Variants in MAP3K7CL observed in about 807,000 individuals in gnomAD.
MAP3K7CL encodes the protein MAP3K7 C-terminal-like protein.
Under a neutral mutation model 18.6 loss-of-function variants are expected in MAP3K7CL, and 16 were observed. That is an observed-to-expected ratio of 0.86 (90% confidence interval 0.58 to 1.31). MAP3K7CL has a LOEUF of 1.31. Ranked by LOEUF, MAP3K7CL falls within the 50% of genes most tolerant of loss-of-function variation. The pLI is 0.00. For synonymous variants in MAP3K7CL, 65 were observed against 66.8 expected (o/e 0.97, Z 0.13); for missense variants, 163 against 174.4 (o/e 0.93, Z 0.37).
chr21:29,153,835 G>A (rs1433178193), intron 3 of MAP3K7CL, among the ~76,000 whole-genome samples: 1 of 152,076 alleles, frequency 6.6e-6, no homozygotes, highest in African/African-American at 2.4e-5. Flanking sequence ...ATGGTCCCAG[G>A]GTTTGGGTCA....
upstream of MAP3K7CL, among the ~76,000 whole-genome samples, chr21:29,125,900 C>T (rs913508193): frequency 1.3e-5 from 2 of 152,212 alleles, no homozygotes; most frequent in Non-Finnish European, 2.9e-5. Flanking sequence ...ATGGCCTGCA[C>T]ATGCAGTCTC....
At chr21:29,080,268 G>A (rs905184919) in intron 1 of MAP3K7CL, among the ~76,000 whole-genome samples, 1 of 152,202 alleles carries the variant, frequency 6.6e-6, no homozygotes, top group Non-Finnish European at 1.5e-5. Context: ...GTGTTTCTTG[G>A]ATTCTGTTGC....
chr21:29,092,614 G>T, intron 4 of MAP3K7CL: 1 of 1,610,580 alleles, frequency 6.2e-7, no homozygotes, highest in Non-Finnish European at 8.5e-7. Context: ...GGAAGTCTCA[G>T]GTTCTGAAGG....
chr21:29,160,427 C>T (rs115450561), intron 4 of MAP3K7CL, among the ~76,000 whole-genome samples: 2,836 of 152,326 alleles, frequency 0.019, 91 homozygotes, highest in African/African-American at 0.064. Flanking sequence ...GAAGAAGCCA[C>T]TGGGATAGCT....
intron 4 of MAP3K7CL, among the ~76,000 whole-genome samples, chr21:29,110,259 C>T (rs1169516347): frequency 6.6e-6 from 1 of 152,202 alleles, no homozygotes; most frequent in Non-Finnish European, 1.5e-5. Context: ...CTCCATCACT[C>T]ACATCAATTA....
intron 4 of MAP3K7CL, among the ~76,000 whole-genome samples, chr21:29,113,497 C>T (rs12483450): frequency 3.9e-5 from 6 of 152,114 alleles, no homozygotes; most frequent in South Asian, 2.1e-4. Context: ...GTGCTCACTG[C>T]GGCTGGAGTG....
At chr21:29,085,800 C>G (rs1330623331), upstream of MAP3K7CL, 2 of 1,545,420 alleles carry the variant, frequency 1.3e-6, no homozygotes, top group East Asian at 2.2e-5. Flanking sequence ...TCATAACTCT[C>G]TATATCCCCC....
At chr21:29,110,578 G>A (rs1489099952) in intron 4 of MAP3K7CL, among the ~76,000 whole-genome samples, 1 of 151,954 alleles carries the variant, frequency 6.6e-6, no homozygotes, top group East Asian at 1.9e-4. Flanking sequence ...TATATTTTTA[G>A]TACAGATGGA....
Position 29,118,418 on chromosome 21 carries a change from A to G in MAP3K7CL, c.370+25837A>G, listed in dbSNP as rs141913734. Among the ~76,000 whole-genome samples, 794 of 151,520 alleles carry G rather than the reference A, an allele frequency of 5.2e-3. 7 individuals carry two copies. The highest frequency in any genetic ancestry group is 0.018 in the African/African-American group (757 of 41,266). The stretch of plus-strand genomic sequence containing the variant: ...CTTCCCTATTAGGCACTTGCATCCC[A>G]GGTTCAATTTAGTTCCAGAAATATT... On this transcript the variant is annotated intron_variant, in intron 4 of 6. Coordinates refer to the MAP3K7CL transcript ENST00000286791.
chr21:29,119,662 C>CTTTTTT (rs58443653), intron 4 of MAP3K7CL, among the ~76,000 whole-genome samples: 1 of 135,118 alleles, frequency 7.4e-6, no homozygotes. Flanking sequence ...AATCCTAAAA[C>CTTTTTT]TTTTTTTTTT....
intron 3 of MAP3K7CL, among the ~76,000 whole-genome samples, chr21:29,149,574 G>C (rs1301539393): frequency 6.6e-6 from 1 of 152,120 alleles, no homozygotes; most frequent in African/African-American, 2.4e-5. Flanking sequence ...TTGCATTTTT[G>C]GCTTGTCTGG....
chr21:29,102,475 CTCT>C (rs386394553), intron 4 of MAP3K7CL: 11,542 of 121,044 alleles, frequency 0.095, 1,171 homozygotes, highest in African/African-American at 0.29. Flanking sequence ...CTCTCTCTCT[CTCT>C]TTTTTTTTTT....
At chr21:29,110,825 T>G (rs894767049) in intron 4 of MAP3K7CL, among the ~76,000 whole-genome samples, 4 of 152,226 alleles carry the variant, frequency 2.6e-5, no homozygotes, top group African/African-American at 9.6e-5. Flanking sequence ...CTCTGAATGT[T>G]TCTTTTAAAA....
intron 4 of MAP3K7CL, among the ~76,000 whole-genome samples, chr21:29,169,310 G>T (rs1041202643): frequency 6.6e-6 from 1 of 152,176 alleles, no homozygotes; most frequent in African/African-American, 2.4e-5. Flanking sequence ...TTAAGCATTT[G>T]TACAGCTTCA....
chr21:29,093,413 A>T (rs977165327), intron 4 of MAP3K7CL, among the ~76,000 whole-genome samples: 3 of 152,194 alleles, frequency 2.0e-5, no homozygotes, highest in Non-Finnish European at 4.4e-5. Context: ...TAACCCCTCC[A>T]TAGCTCATTT....
intron 1 of MAP3K7CL, among the ~76,000 whole-genome samples, chr21:29,086,402 T>C (rs2085926407): frequency 6.6e-6 from 1 of 152,166 alleles, no homozygotes; most frequent in Non-Finnish European, 1.5e-5. Context: ...CCACCAGCTC[T>C]GGAAAATGAG....
intron 1 of MAP3K7CL, among the ~76,000 whole-genome samples, chr21:29,089,199 A>AAAAAAAAAAAC (rs2085979059): frequency 1.5e-5 from 2 of 133,736 alleles, no homozygotes; most frequent in Admixed American, 7.5e-5. Flanking sequence ...AAAAAAAAAA[A>AAAAAAAAAAAC]AAGACACTGG....
intron 1 of MAP3K7CL, among the ~76,000 whole-genome samples, chr21:29,087,566 A>C (rs537170539): frequency 6.6e-6 from 1 of 151,238 alleles, no homozygotes; most frequent in African/African-American, 2.4e-5. Context: ...TTTAACTGTA[A>C]ATCTAATGCT....
chr21:29,084,180 TAGAA>T (rs1228049375), upstream of MAP3K7CL, among the ~76,000 whole-genome samples: 1 of 151,622 alleles, frequency 6.6e-6, no homozygotes, highest in Non-Finnish European at 1.5e-5. Context: ...GTTTTTTACT[TAGAA>T]GGAAGAATTT....
Sources: allele counts gnomAD v4.1 joint callset (sites outside exome capture counted in the v4.1 genomes callset), GRCh38; gene constraint gnomAD v4.1.1; transcripts MANE v1.5; gene names NCBI Gene and HGNC (gene_info 2026-07-23, HGNC 2026-07-21).